The following PACRG variants were observed in gnomAD, a reference collection of about 807,000 sequenced individuals.
The protein encoded by PACRG is parkin coregulated gene protein.
PACRG carries 29 observed loss-of-function variants against 29.7 expected under a neutral mutation model. That is an observed-to-expected ratio of 0.98 (90% confidence interval 0.73 to 1.33). PACRG has a LOEUF of 1.33. Ranked by LOEUF, PACRG falls within the 40% of genes most tolerant of loss-of-function variation. The probability of loss-of-function intolerance (pLI) is 0.00; values close to 1 mark genes in which losing one functional copy is unlikely to be tolerated. For synonymous variants in PACRG, 116 were observed against 118.7 expected (o/e 0.98, Z 0.15); for missense variants, 279 against 316.2 (o/e 0.88, Z 0.89).
chr6:163,029,036 A>G (rs897117701), intron 2 of PACRG, among the ~76,000 whole-genome samples: 2 of 152,198 alleles, frequency 1.3e-5, no homozygotes, highest in Non-Finnish European at 2.9e-5. Flanking sequence ...CAGGAGCACA[A>G]TCTCTAGTCC....
intron 2 of PACRG, among the ~76,000 whole-genome samples, chr6:162,958,884 TAGAGAGAGAGAGAGAGAGAGAG>T (rs200270873): frequency 2.1e-3 from 45 of 21,148 alleles, no homozygotes; most frequent in African/African-American, 4.4e-3. Context: ...TATATATATA[TAGAGAGAGAGAGAGAGAGAGAG>T]AGAGAGAGAG....
At chr6:163,269,750 A>AAG (rs781619961) in intron 4 of PACRG, among the ~76,000 whole-genome samples, 75 of 82,380 alleles carry the variant, frequency 9.1e-4, no homozygotes, top group Admixed American at 1.7e-3. Flanking sequence ...GAAAAGAAGA[A>AAG]AGAGAGAGAG....
At chr6:162,982,865 G>A (rs1337961637) in intron 2 of PACRG, among the ~76,000 whole-genome samples, 1 of 151,964 alleles carries the variant, frequency 6.6e-6, no homozygotes, top group Non-Finnish European at 1.5e-5. Context: ...TTTGTTGACT[G>A]TCTGTCTTGG....
chr6:163,126,592 A>G (rs1816524011), intron 4 of PACRG, among the ~76,000 whole-genome samples: 1 of 152,226 alleles, frequency 6.6e-6, no homozygotes, highest in African/African-American at 2.4e-5. Flanking sequence ...CACATACTCA[A>G]TTAAATTAAA....
chr6:163,034,813 G>A (rs1808008440), intron 2 of PACRG, among the ~76,000 whole-genome samples: 1 of 152,128 alleles, frequency 6.6e-6, no homozygotes, highest in Non-Finnish European at 1.5e-5. Flanking sequence ...AGGGTTCTTG[G>A]ACCTCGCGCA....
rs1302257690 is a variant in PACRG, at chr6:162,886,403, T to C, written c.291+72122T>C. Among the ~76,000 whole-genome samples the C allele has an allele frequency of 2.0e-5, 3 of 152,196 alleles. No individual in the cohort carries two copies. The East Asian group carries it at 5.8e-4, about 29-fold the overall frequency. The stretch of plus-strand genomic sequence containing the variant: ...TCCTCATTTATTCCGGGTTTTTCCT[T>C]TTCAAAAACCTGTTTCATTCTTATG... On this transcript the variant is annotated intron_variant, in intron 2 of 4. Transcript: ENST00000366888.
intron 2 of PACRG, among the ~76,000 whole-genome samples, chr6:162,894,836 A>G (rs918413463): frequency 1.3e-5 from 2 of 152,226 alleles, no homozygotes; most frequent in Admixed American, 6.5e-5. Flanking sequence ...CAGAAATGTA[A>G]CAACGAGTTG....
At chr6:163,157,281 T>A (rs1024840600) in intron 4 of PACRG, among the ~76,000 whole-genome samples, 3 of 152,190 alleles carry the variant, frequency 2.0e-5, no homozygotes. Context: ...GTCTACTAGT[T>A]CTGCTCTTTG....
intron 1 of PACRG, among the ~76,000 whole-genome samples, chr6:162,774,551 GAA>G (rs957608801): frequency 6.6e-6 from 1 of 152,160 alleles, no homozygotes; most frequent in African/African-American, 2.4e-5. Context: ...TGGTATGGGA[GAA>G]AAGTCAGGAT....
At chr6:163,128,586 G>C (rs1359489113) in intron 4 of PACRG, among the ~76,000 whole-genome samples, 1 of 152,208 alleles carries the variant, frequency 6.6e-6, no homozygotes, top group Non-Finnish European at 1.5e-5. Context: ...AAAGTGGTTA[G>C]TGCAGTGATA....
At chr6:162,946,968 A>C (rs1265747313) in intron 2 of PACRG, among the ~76,000 whole-genome samples, 1 of 152,020 alleles carries the variant, frequency 6.6e-6, no homozygotes, top group African/African-American at 2.4e-5. Context: ...GCATAGAAGG[A>C]ACATACCTTA....
chr6:162,795,816 C>T (rs1467765680), intron 1 of PACRG, among the ~76,000 whole-genome samples: 3 of 152,112 alleles, frequency 2.0e-5, no homozygotes, highest in South Asian at 2.1e-4. Flanking sequence ...ACATTTATTA[C>T]ATTTTTCCCA....
chr6:163,113,353 A>C (rs987432569), intron 4 of PACRG, among the ~76,000 whole-genome samples: 1 of 152,222 alleles, frequency 6.6e-6, no homozygotes, highest in South Asian at 2.1e-4. Flanking sequence ...ATAATGGCTG[A>C]AAACTTTCTA....
intron 4 of PACRG, among the ~76,000 whole-genome samples, chr6:163,149,015 T>C (rs1205669): frequency 0.68 from 87,298 of 128,732 alleles, 29,669 homozygotes; most frequent in African/African-American, 0.82. Context: ...TTGAAAACAG[T>C]CAGGCCCTGC....
chr6:162,739,249 A>G (rs2128257679), intron 1 of PACRG, among the ~76,000 whole-genome samples: 1 of 152,242 alleles, frequency 6.6e-6, no homozygotes, highest in African/African-American at 2.4e-5. Context: ...TCTGATTACT[A>G]GTGGTCATGT....
At chr6:163,251,830 G>T (rs1046411527) in intron 4 of PACRG, among the ~76,000 whole-genome samples, 30 of 152,218 alleles carry the variant, frequency 2.0e-4, no homozygotes, top group African/African-American at 7.2e-4. Flanking sequence ...TATTACTACT[G>T]GGGGCCGTGG....
chr6:163,009,109 G>A (rs543104141), intron 2 of PACRG, among the ~76,000 whole-genome samples: 1 of 152,172 alleles, frequency 6.6e-6, no homozygotes. Context: ...CTAAGAAACA[G>A]ACTAAAATGT....
chr6:163,189,663 C>T (rs1780111897), intron 4 of PACRG: 1 of 152,156 alleles, frequency 6.6e-6, no homozygotes, highest in South Asian at 2.1e-4. Flanking sequence ...ACATTGCAGC[C>T]CTCCAACAAA....
intron 2 of PACRG, among the ~76,000 whole-genome samples, chr6:163,000,666 G>T (rs1187428803): frequency 1.3e-5 from 2 of 152,138 alleles, no homozygotes; most frequent in Non-Finnish European, 2.9e-5. Context: ...TGACACACAT[G>T]GCCCAGCAGG....
Sources: gnomAD v4.1 joint callset for allele counts (sites outside exome capture counted in the v4.1 genomes callset) on GRCh38, gnomAD v4.1.1 for gene constraint, MANE v1.5 for transcripts, NCBI Gene and HGNC (gene_info 2026-07-23, HGNC 2026-07-21) for gene names.